The following AGMO variants were observed in gnomAD, a reference collection of about 807,000 sequenced individuals.
AGMO encodes glyceryl-ether monooxygenase.
A neutral mutation model predicts 60.2 loss-of-function variants in AGMO; 75 were observed. The observed-to-expected ratio is 1.25, with a 90% confidence interval of 1.03 to 1.51. The LOEUF (loss-of-function observed/expected upper bound fraction) is 1.51, where lower values mean the gene tolerates loss of function less well. AGMO is among the 40% of genes most tolerant of loss of function. The pLI, the probability that AGMO is intolerant of heterozygous loss-of-function variation, is 0.00. For missense variants in AGMO, 763 were observed against 525.5 expected, an observed-to-expected ratio of 1.45 and a Z score of -4.42; for synonymous variants, 261 against 177.1, an observed-to-expected ratio of 1.47 and a Z score of -3.76.
At chr7:15,145,486 A>G in the AGMO span, among the ~76,000 whole-genome samples, 3 of 152,198 alleles carry the variant, frequency 2.0e-5, no homozygotes, top group South Asian at 2.1e-4. Context: ...ACATAAGCTT[A>G]TATGTTCAAA....
intron 3 of AGMO, among the ~76,000 whole-genome samples, chr7:15,438,616 G>T (rs887994731): frequency 2.0e-5 from 3 of 152,148 alleles, no homozygotes; most frequent in Non-Finnish European, 2.9e-5. Flanking sequence ...GAACTCGTGT[G>T]CCTTCTTCAC....
intron 12 of AGMO, among the ~76,000 whole-genome samples, chr7:15,215,360 T>C (rs998057122): frequency 1.2e-4 from 18 of 152,102 alleles, no homozygotes; most frequent in African/African-American, 3.9e-4. Context: ...TTCTTTTTTT[T>C]CCTCTCTTTT....
At chr7:15,215,328 C>A (rs909629645) in intron 12 of AGMO, among the ~76,000 whole-genome samples, 3 of 152,006 alleles carry the variant, frequency 2.0e-5, no homozygotes, top group African/African-American at 7.2e-5. Flanking sequence ...AAAGAAAGCA[C>A]ATGTATGTGG....
chr7:15,254,957 T>C (rs1055757175), intron 12 of AGMO, among the ~76,000 whole-genome samples: 25 of 152,090 alleles, frequency 1.6e-4, no homozygotes, highest in Admixed American at 3.9e-4. Context: ...AATAAAAATA[T>C]TGAAGCAGTA....
intron 3 of AGMO, among the ~76,000 whole-genome samples, chr7:15,465,518 G>A (rs1273715627): frequency 6.6e-6 from 1 of 150,548 alleles, no homozygotes; most frequent in African/African-American, 2.4e-5. Context: ...GACATCTGGG[G>A]CTCAAGCAAT....
intron 5 of AGMO, 77 bp downstream of exon 5, chr7:15,418,481 C>A: frequency 1.2e-6 from 1 of 852,590 alleles, no homozygotes; most frequent in South Asian, 1.5e-5. Context: ...CACAATAAAT[C>A]ATCTGCTAGT....
chr7:15,433,536 A>C (rs2128499133), intron 3 of AGMO, among the ~76,000 whole-genome samples: 1 of 152,240 alleles, frequency 6.6e-6, no homozygotes, highest in Middle Eastern at 3.4e-3. Context: ...TTTTATGGAA[A>C]GTTATTCCAG....
At chr7:15,308,723 C>T (rs2128530358) in intron 12 of AGMO, among the ~76,000 whole-genome samples, 1 of 152,222 alleles carries the variant, frequency 6.6e-6, no homozygotes, top group Admixed American at 6.5e-5. Context: ...TATTACAGCA[C>T]ATATAATGAA....
intron 12 of AGMO, among the ~76,000 whole-genome samples, chr7:15,277,678 C>CTAATA (rs200453030): frequency 0.024 from 3,595 of 152,230 alleles, 73 homozygotes; most frequent in Middle Eastern, 0.037. Flanking sequence ...AATCTATAGG[C>CTAATA]TAATAAATGG....
intron 12 of AGMO, among the ~76,000 whole-genome samples, chr7:15,360,503 A>G (rs1324005858): frequency 6.6e-6 from 1 of 152,192 alleles, no homozygotes; most frequent in Non-Finnish European, 1.5e-5. Flanking sequence ...AGAAAAGAAA[A>G]TGTTAAGAAA....
At chr7:15,299,643 C>T (rs571582871) in intron 12 of AGMO, among the ~76,000 whole-genome samples, 22 of 152,050 alleles carry the variant, frequency 1.4e-4, no homozygotes, top group African/African-American at 2.4e-4. Flanking sequence ...CTAGGCAACA[C>T]GGTGAAACCC....
At chr7:15,168,350 G>C in the AGMO span, among the ~76,000 whole-genome samples, 3 of 152,160 alleles carry the variant, frequency 2.0e-5, no homozygotes, top group Non-Finnish European at 2.9e-5. Flanking sequence ...TAAATAAAAA[G>C]GGCGGGGCTT....
intron 10 of AGMO, among the ~76,000 whole-genome samples, chr7:15,377,228 C>CA (rs1365745974): frequency 1.2e-4 from 18 of 152,074 alleles, no homozygotes; most frequent in Non-Finnish European, 2.5e-4. Context: ...AGCATGTTCT[C>CA]AGCAAAGAAA....
chr7:15,126,208 A>G, the AGMO span, among the ~76,000 whole-genome samples: 6 of 152,126 alleles, frequency 3.9e-5, no homozygotes, highest in African/African-American at 1.4e-4. Flanking sequence ...TTTCATAAAA[A>G]ATACTTAAAC....
the AGMO span, among the ~76,000 whole-genome samples, chr7:15,179,004 A>G: frequency 5.3e-5 from 8 of 152,094 alleles, no homozygotes; most frequent in Admixed American, 5.2e-4. Context: ...TAATGGCATT[A>G]ATTTATTCAT....
chr7:15,226,101 A>G (rs2128498182), intron 12 of AGMO, among the ~76,000 whole-genome samples: 1 of 152,164 alleles, frequency 6.6e-6, no homozygotes, highest in South Asian at 2.1e-4. Context: ...CACCTTCCCT[A>G]AGAAAAACTA....
the AGMO span, among the ~76,000 whole-genome samples, chr7:15,174,546 T>G: frequency 2.6e-5 from 4 of 152,094 alleles, no homozygotes; most frequent in Non-Finnish European, 5.9e-5. Flanking sequence ...AGACAAAATG[T>G]GTACTTTACA....
chr7:15,315,096 T>G (rs1780877906), intron 12 of AGMO, among the ~76,000 whole-genome samples: 1 of 151,930 alleles, frequency 6.6e-6, no homozygotes, highest in African/African-American at 2.4e-5. Context: ...GAGCTTGGAG[T>G]GAACCTTGAT....
At chr7:15,421,401 A>G (rs1780919213) in intron 4 of AGMO, among the ~76,000 whole-genome samples, 3 of 152,174 alleles carry the variant, frequency 2.0e-5, no homozygotes, top group Admixed American at 2.0e-4. Flanking sequence ...GCTTGGGCAT[A>G]AGGAAACAAT....
Sources: gnomAD v4.1 joint callset for allele counts (sites outside exome capture counted in the v4.1 genomes callset) on GRCh38, gnomAD v4.1.1 for gene constraint, MANE v1.5 for transcripts, NCBI Gene and HGNC (gene_info 2026-07-23, HGNC 2026-07-21) for gene names.